PCDHA12: variants seen among roughly 807,000 people sequenced by gnomAD.
The protein encoded by PCDHA12 is protocadherin alpha-12.
Under a neutral mutation model 60.0 loss-of-function variants are expected in PCDHA12, and 44 were observed. That is an observed-to-expected ratio of 0.73 (90% confidence interval 0.58 to 0.94). The LOEUF is 0.94. Among genes scored for constraint, PCDHA12 ranks in the 40% least tolerant of loss-of-function variants. The pLI is 0.00. For missense variants in PCDHA12, 1,276 were observed against 1,239.7 expected (o/e 1.03, Z -0.44); for synonymous variants, 569 against 553.0 (o/e 1.03, Z -0.40).
intron 1 of PCDHA12, among the ~76,000 whole-genome samples, chr5:140,935,276 T>TA (rs1447867343): frequency 6.6e-6 from 1 of 152,226 alleles, no homozygotes; most frequent in African/African-American, 2.4e-5. Flanking sequence ...ACTAATCTAA[T>TA]AAAGTTCAGC....
chr5:140,908,795 A>C (rs2074156138), intron 1 of PCDHA12, among the ~76,000 whole-genome samples: 1 of 152,202 alleles, frequency 6.6e-6, no homozygotes, highest in South Asian at 2.1e-4. Context: ...TCTGTACTAC[A>C]TTAAAAAGTG....
At chr5:140,999,426 A>G (rs1456581917) in intron 3 of PCDHA12, among the ~76,000 whole-genome samples, 2 of 152,204 alleles carry the variant, frequency 1.3e-5, no homozygotes, top group Middle Eastern at 3.2e-3. Context: ...TAAGAGGCCA[A>G]GTACCTTGCC....
In PCDHA12 at chr5:140,987,224, A is replaced by AAT. The variant is rs1554248891; in HGVS notation, c.2515+4662_2515+4663insTA. Among the ~76,000 whole-genome samples, 91 of 152,046 alleles carry AAT rather than the reference A, an allele frequency of 6.0e-4. 1 individual carries two copies. Among genetic ancestry groups the AAT allele is most frequent in the African/African-American group, 2.0e-3 (84 of 41,424 alleles). ...GTGAGACTCCATCTCAAAAAAAAAA[A>AAT]AAATAATAAATAAAGAAAGAAAGAC... On this transcript the variant is annotated intron_variant, in intron 3 of 3. Coordinates refer to ENST00000398631, the MANE Select transcript of PCDHA12 (RefSeq NM_018903.4).
intron 1 of PCDHA12, among the ~76,000 whole-genome samples, chr5:140,907,298 A>T (rs138771358): frequency 0.017 from 2,638 of 152,276 alleles, 92 homozygotes; most frequent in African/African-American, 0.06. Context: ...CTGCTTCAGG[A>T]TGATGGGGAA....
chr5:140,884,358 A>G lies in PCDHA12; in HGVS notation c.2367+6519A>G, dbSNP rs546242835. On this transcript the variant is annotated intron_variant, in intron 1 of 3. Coordinates refer to ENST00000398631, the MANE Select transcript of PCDHA12 (RefSeq NM_018903.4). Reference sequence around the variant, plus strand: ...CCAGAAGCGGCGCTGGTGGATGTCAATGTTTACTTGATCATTGCCATCTGC... The same window carrying G: ...CCAGAAGCGGCGCTGGTGGATGTCAGTGTTTACTTGATCATTGCCATCTGC... The G allele has an allele frequency of 7.8e-5, 126 of 1,613,886 alleles. 3 individuals carry two copies. The South Asian group carries it at 1.1e-3, about 14-fold the overall frequency.
chr5:141,006,048 G>T (rs1158028347), intron 3 of PCDHA12, among the ~76,000 whole-genome samples: 1 of 150,984 alleles, frequency 6.6e-6, no homozygotes, highest in Non-Finnish European at 1.5e-5. Context: ...TTGTAGATGA[G>T]AGTGGAGAAG....
intron 1 of PCDHA12, among the ~76,000 whole-genome samples, chr5:140,918,162 A>G (rs1344100803): frequency 1.3e-5 from 2 of 152,122 alleles, no homozygotes; most frequent in Non-Finnish European, 2.9e-5. Context: ...TCTATTGTAA[A>G]TGGCATTGTG....
At chr5:140,900,956 C>G (rs2068392622) in intron 1 of PCDHA12, among the ~76,000 whole-genome samples, 1 of 152,160 alleles carries the variant, frequency 6.6e-6, no homozygotes, top group African/African-American at 2.4e-5. Flanking sequence ...CTCTGATTAT[C>G]AGTGATGTTG....
At chr5:140,920,069 G>C (rs527472900) in intron 1 of PCDHA12, among the ~76,000 whole-genome samples, 1 of 152,288 alleles carries the variant, frequency 6.6e-6, no homozygotes, top group Non-Finnish European at 1.5e-5. Context: ...GGAAAAGGCA[G>C]AAACAGATTC....
At chr5:140,993,407 C>T (rs2097554546) in intron 3 of PCDHA12, among the ~76,000 whole-genome samples, 1 of 151,550 alleles carries the variant, frequency 6.6e-6, no homozygotes, top group African/African-American at 2.4e-5. Context: ...TAACCACCTT[C>T]ATCAGCATTT....
intron 1 of PCDHA12, among the ~76,000 whole-genome samples, chr5:140,952,530 A>T (rs246033): frequency 6.6e-6 from 1 of 151,882 alleles, no homozygotes; most frequent in Non-Finnish European, 1.5e-5. Context: ...ACCTCCTCAG[A>T]CTGGACTTCT....
chr5:140,944,871 C>T (rs1370417254), intron 1 of PCDHA12, among the ~76,000 whole-genome samples: 1 of 152,110 alleles, frequency 6.6e-6, no homozygotes, highest in Non-Finnish European at 1.5e-5. Flanking sequence ...ATCTTAACCA[C>T]CTACTCCACT....
At chr5:141,000,412 TATATATA>T (rs1563651366) in intron 3 of PCDHA12, among the ~76,000 whole-genome samples, 7 of 102,770 alleles carry the variant, frequency 6.8e-5, no homozygotes, top group African/African-American at 2.7e-4. Context: ...TATATATATA[TATATATA>T]TATTTTTTTT....
At chr5:140,926,722 C>A in intron 1 of PCDHA12, 1 of 1,027,126 alleles carries the variant, frequency 9.7e-7, no homozygotes, top group East Asian at 3.0e-5. Flanking sequence ...CCCGGCAATG[C>A]CGGCGTTCGG....
At chr5:140,956,147 C>T (rs150480657) in intron 1 of PCDHA12, among the ~76,000 whole-genome samples, 5,358 of 152,186 alleles carry the variant, frequency 0.035, 121 homozygotes, top group Non-Finnish European at 0.052. Context: ...ATTTCTTTCT[C>T]TTTCCTAATT....
chr5:141,004,708 A>G (rs955852492), intron 3 of PCDHA12, among the ~76,000 whole-genome samples: 2 of 152,340 alleles, frequency 1.3e-5, no homozygotes, highest in South Asian at 4.1e-4. Flanking sequence ...TAGGTGCCGA[A>G]TCAGAGGTTT....
intron 1 of PCDHA12, among the ~76,000 whole-genome samples, chr5:140,898,811 C>T (rs1277456601): frequency 6.6e-6 from 1 of 152,190 alleles, no homozygotes; most frequent in Non-Finnish European, 1.5e-5. Context: ...ACTGATTCTT[C>T]CTACCCATGA....
At chr5:140,947,550 G>T (rs967081376) in intron 1 of PCDHA12, among the ~76,000 whole-genome samples, 1 of 151,402 alleles carries the variant, frequency 6.6e-6, no homozygotes, top group Non-Finnish European at 1.5e-5. Flanking sequence ...AAAGAATTCC[G>T]CTGGGATTTA....
intron 1 of PCDHA12, chr5:140,969,187 G>A (rs1469342094): frequency 1.2e-6 from 2 of 1,614,106 alleles, no homozygotes; most frequent in Non-Finnish European, 8.5e-7. Context: ...ACACTTTCAT[G>A]TTTTACAATA....
Sources: gnomAD v4.1 joint callset for allele counts (sites outside exome capture counted in the v4.1 genomes callset) on GRCh38, gnomAD v4.1.1 for gene constraint, MANE v1.5 for transcripts, NCBI Gene and HGNC (gene_info 2026-07-23, HGNC 2026-07-21) for gene names.